The following PCDHA4 variants were observed in gnomAD, a reference collection of about 807,000 sequenced individuals.
PCDHA4 encodes the protein protocadherin alpha-4.
In PCDHA4, 49 loss-of-function variants were observed where a neutral mutation model predicts 61.4. The observed-to-expected ratio is 0.80, with a 90% CI of 0.63 to 1.01. PCDHA4 has a LOEUF of 1.01. Ranked by LOEUF, PCDHA4 falls within the 50% of genes least tolerant of loss-of-function variation. PCDHA4 has a pLI of 0.00. For missense variants in PCDHA4, 1,254 were observed against 1,235.8 expected, an observed-to-expected ratio of 1.01 and a Z score of -0.22; for synonymous variants, 590 against 550.3, an observed-to-expected ratio of 1.07 and a Z score of -1.01.
chr5:140,941,239 C>CTTTCTTTCTTTCTT (rs2092937531), intron 1 of PCDHA4, among the ~76,000 whole-genome samples: 2 of 134,500 alleles, frequency 1.5e-5, no homozygotes, highest in Non-Finnish European at 1.6e-5. Context: ...TTCTTTCTTT[C>CTTTCTTTCTTTCTT]TTTCTTTCTT....
At chr5:140,911,818 A>T (rs1472874528) in intron 1 of PCDHA4, among the ~76,000 whole-genome samples, 2 of 152,210 alleles carry the variant, frequency 1.3e-5, no homozygotes, top group African/African-American at 2.4e-5. Flanking sequence ...CCTTCTCCAG[A>T]AACCCCAAAA....
chr5:140,836,527 T>A (rs781797304), intron 1 of PCDHA4: 1 of 1,613,732 alleles, frequency 6.2e-7, no homozygotes, highest in African/African-American at 1.3e-5. Flanking sequence ...GTGCTTACCC[T>A]GCTGCTGTAC....
At chr5:140,940,508 G>A (rs1171264265) in intron 1 of PCDHA4, among the ~76,000 whole-genome samples, 2 of 151,902 alleles carry the variant, frequency 1.3e-5, no homozygotes, top group African/African-American at 4.8e-5. Context: ...CGTCGCTCAG[G>A]CGTGATCATA....
intron 1 of PCDHA4, chr5:140,871,124 C>T (rs782035990): frequency 1.9e-6 from 3 of 1,613,326 alleles, no homozygotes; most frequent in Non-Finnish European, 8.5e-7. Context: ...AGCGGACAGG[C>T]GCCAAAGGCC....
intron 1 of PCDHA4, among the ~76,000 whole-genome samples, chr5:140,942,439 A>C (rs1554214983): frequency 6.6e-6 from 1 of 152,200 alleles, no homozygotes; most frequent in Non-Finnish European, 1.5e-5. Context: ...AACAATAAAC[A>C]AGTAAACTAT....
chr5:140,861,534 A>G lies in PCDHA4; in HGVS notation c.2385+51962A>G, dbSNP rs1004709017. ...GCTGTGTGGGAGGATCTCGGAGTGCAGCATCCACCTGGAAGTGATCGTGGA... is the reference window on the plus strand; with the variant it reads ...GCTGTGTGGGAGGATCTCGGAGTGCGGCATCCACCTGGAAGTGATCGTGGA... On this transcript the variant is annotated intron_variant, in intron 1 of 3. Coordinates refer to ENST00000530339, the MANE Select transcript of PCDHA4 (RefSeq NM_018907.4). The G allele has an allele frequency of 4.9e-5, 22 of 448,754 alleles. No individual in the cohort carries two copies. The Middle Eastern group carries it at 3.2e-3, about 66-fold the overall frequency. The allele number at this position is 448,754 out of a possible 1,614,324, so 27.8% of individuals were successfully genotyped here.
At chr5:140,834,257 C>T (rs1276678217) in intron 1 of PCDHA4, 5 of 948,154 alleles carry the variant, frequency 5.3e-6, no homozygotes, top group African/African-American at 1.6e-5. Context: ...GAAAGACGCT[C>T]CACTCTCTTT....
In PCDHA4 at chr5:140,877,673, C is replaced by T. The variant is rs1187719075; in HGVS notation, c.2385+68101C>T. The T allele has an allele frequency of 2.5e-5, 40 of 1,613,532 alleles. No individual in the cohort carries two copies. In the East Asian group the frequency reaches 8.0e-4, roughly 32 times the overall value. Reference sequence around the variant, plus strand: ...CCGCCCACCGTGAGCCGGTGCGCGCCGGGCAAGCCCACGCTGGTGTGCTCC... The same window carrying T: ...CCGCCCACCGTGAGCCGGTGCGCGCTGGGCAAGCCCACGCTGGTGTGCTCC... On this transcript the variant is annotated intron_variant, in intron 1 of 3. Transcript: ENST00000530339.
chr5:140,916,520 G>C (rs1339531103), intron 1 of PCDHA4, among the ~76,000 whole-genome samples: 1 of 152,112 alleles, frequency 6.6e-6, no homozygotes, highest in African/African-American at 2.4e-5. Context: ...GCCAAGACTG[G>C]GTCCTTCCCA....
chr5:140,870,090 G>A, intron 1 of PCDHA4: 3 of 1,613,854 alleles, frequency 1.9e-6, no homozygotes, highest in South Asian at 2.2e-5. Flanking sequence ...CTCCCCCAAT[G>A]GCAGGTCACT....
intron 3 of PCDHA4, among the ~76,000 whole-genome samples, chr5:141,000,411 A>T (rs2097918603): frequency 1.1e-5 from 1 of 94,870 alleles, no homozygotes; most frequent in African/African-American, 4.4e-5. Flanking sequence ...ATATATATAT[A>T]TATATATATA....
At position 140,857,694 on chromosome 5, in the gene PCDHA4, C is replaced by T. The variant is rs1554150531; in HGVS notation, c.2385+48122C>T. 1 of 1,597,142 alleles carries T rather than the reference C, an allele frequency of 6.3e-7. No individual in the cohort carries two copies. Among genetic ancestry groups the T allele is most frequent in the Non-Finnish European group, 8.6e-7 (1 of 1,167,746 alleles). On this transcript the variant is annotated intron_variant, in intron 1 of 3. Coordinates refer to ENST00000530339, the MANE Select transcript of PCDHA4 (RefSeq NM_018907.4). Reference sequence around the variant, plus strand: ...GTGCCGCCTCTGGGCAGCAACTTGACGCTGCAGGTGTTCGTGCTGGACGAG... The same window carrying T: ...GTGCCGCCTCTGGGCAGCAACTTGATGCTGCAGGTGTTCGTGCTGGACGAG...
chr5:140,836,597 T>A (rs2150265046), intron 1 of PCDHA4: 1 of 1,613,676 alleles, frequency 6.2e-7, no homozygotes, highest in Admixed American at 1.7e-5. Flanking sequence ...TAAAGCCCAC[T>A]CTGGTGTGCT....
At chr5:140,817,879 A>AT (rs1554127333) in intron 1 of PCDHA4, among the ~76,000 whole-genome samples, 1 of 152,168 alleles carries the variant, frequency 6.6e-6, no homozygotes, top group Non-Finnish European at 1.5e-5. Context: ...AATGAAAGTT[A>AT]TTTTTGCCAG....
chr5:140,828,221 T>C, intron 1 of PCDHA4: 2 of 1,614,030 alleles, frequency 1.2e-6, no homozygotes, highest in Non-Finnish European at 1.7e-6. Flanking sequence ...ACACGGCACC[T>C]TCGTGGGCCG....
Position 140,852,527 on chromosome 5 carries a change from C to T in PCDHA4, c.2385+42955C>T, listed in dbSNP as rs184052538. The T allele has an allele frequency of 1.0e-4, 41 of 393,270 alleles. 2 individuals are homozygous for T. Among genetic ancestry groups the T allele is most frequent in the African/African-American group, 6.6e-4 (30 of 45,558 alleles). 24.4% of individuals were successfully genotyped at this position (393,270 alleles called of 1,614,324 possible). A position where few individuals can be genotyped will look rare whatever the true frequency, so the allele number is the denominator to read the frequency against. On this transcript the variant is annotated intron_variant, in intron 1 of 3. Transcript: ENST00000530339. ...TCCTGACCTTGTGATGCTCCCACCT[C>T]GGCCTCCCAAAGTGCTGGGATTAAA...
At chr5:140,992,020 TGTGTG>T (rs1460938904) in intron 3 of PCDHA4, among the ~76,000 whole-genome samples, 1 of 51,270 alleles carries the variant, frequency 2.0e-5, no homozygotes, top group African/African-American at 5.9e-5. Flanking sequence ...GGTGGCTCTG[TGTGTG>T]TGTGTGTGTG....
chr5:140,874,280 C>T (rs1317233709), intron 1 of PCDHA4, among the ~76,000 whole-genome samples: 3 of 152,146 alleles, frequency 2.0e-5, no homozygotes, highest in Admixed American at 6.5e-5. Flanking sequence ...AATAGACTTA[C>T]AAAATCTATG....
chr5:140,930,591 CAT>C (rs1554207939), intron 1 of PCDHA4: 1 of 152,406 alleles, frequency 6.6e-6, no homozygotes, highest in African/African-American at 2.4e-5. Flanking sequence ...TTTGACTTCT[CAT>C]AGAAATCCTA....
Sources: allele counts gnomAD v4.1 joint callset (sites outside exome capture counted in the v4.1 genomes callset), GRCh38; gene constraint gnomAD v4.1.1; transcripts MANE v1.5; gene names NCBI Gene and HGNC (gene_info 2026-07-23, HGNC 2026-07-21).